SREK1IP1: variants seen among roughly 807,000 people sequenced by gnomAD.
SREK1IP1 encodes the protein protein SREK1IP1.
A neutral mutation model predicts 22.8 loss-of-function variants in SREK1IP1; 12 were observed. The ratio of observed to expected loss-of-function variants is 0.53; its 90% confidence interval spans 0.34 to 0.85. The LOEUF (loss-of-function observed/expected upper bound fraction) is 0.85. Among genes scored for constraint, SREK1IP1 ranks in the 40% least tolerant of loss-of-function variants. The pLI is 0.02. For missense variants in SREK1IP1, 147 were observed against 171.8 expected (o/e 0.86, Z 0.81); for synonymous variants, 53 against 52.7 (o/e 1.01, Z -0.02).
chr5:64,749,858 G>A (rs1283167379), intron 2 of SREK1IP1, among the ~76,000 whole-genome samples: 4 of 151,898 alleles, frequency 2.6e-5, no homozygotes, highest in Admixed American at 1.3e-4. Flanking sequence ...TGTCCTATGC[G>A]CTCACATAGT....
At position 64,722,717 on chromosome 5, in the gene SREK1IP1, G is replaced by A. The variant is rs1045701261; in HGVS notation, c.*1667C>T. 6.6e-6 allele frequency: 1 copy of A among 152,188 alleles called. No individual in the cohort carries two copies. Among genetic ancestry groups the A allele is most frequent in the South Asian group, 2.1e-4 (1 of 4,830 alleles). The allele number at this position is 152,188 out of a possible 1,614,324, so 9.4% of individuals were successfully genotyped here. A position where few individuals can be genotyped will look rare whatever the true frequency, so the allele number is the denominator to read the frequency against. The stretch of plus-strand genomic sequence containing the variant: ...TTTAAACAAAAGCATTTCCTTTTGA[G>A]AGGCCCAAATGACTAAATTAGGTTA... On this transcript the variant is annotated 3_prime_UTR_variant, in exon 5 of 5. Transcript: ENST00000513458.
chr5:64,742,264 TAA>T (rs921678756), intron 2 of SREK1IP1, among the ~76,000 whole-genome samples: 1 of 152,170 alleles, frequency 6.6e-6, no homozygotes, highest in African/African-American at 2.4e-5. Context: ...TTTGCTATTA[TAA>T]AAAGTGTTTA....
intron 2 of SREK1IP1, among the ~76,000 whole-genome samples, chr5:64,744,637 T>C (rs527900589): frequency 7.2e-5 from 11 of 152,342 alleles, no homozygotes; most frequent in Non-Finnish European, 1.6e-4. Flanking sequence ...AAATATGTGT[T>C]TTTTCCTTGT....
At chr5:64,754,599 G>T in intron 1 of SREK1IP1, 1 of 425,936 alleles carries the variant, frequency 2.3e-6, no homozygotes, top group East Asian at 4.0e-5. Flanking sequence ...AAGCAGCTGA[G>T]ACTACAGGCA....
intron 3 of SREK1IP1, among the ~76,000 whole-genome samples, chr5:64,739,997 T>A (rs1161837942): frequency 6.6e-6 from 1 of 152,174 alleles, no homozygotes; most frequent in Non-Finnish European, 1.5e-5. Context: ...AAGATTATAT[T>A]CAAATAAGTT....
At chr5:64,767,109 A>G (rs536241240) in intron 1 of SREK1IP1, among the ~76,000 whole-genome samples, 3 of 152,122 alleles carry the variant, frequency 2.0e-5, no homozygotes, top group Non-Finnish European at 4.4e-5. Context: ...CATAGAAAAC[A>G]TCTTTCATTT....
At chr5:64,767,514 A>G (rs1306846307) in intron 1 of SREK1IP1, among the ~76,000 whole-genome samples, 1 of 152,228 alleles carries the variant, frequency 6.6e-6, no homozygotes, top group Non-Finnish European at 1.5e-5. Context: ...CAGTTAGTAC[A>G]AAAGCACAGT....
chr5:64,730,433 C>G (rs143987219), intron 3 of SREK1IP1, among the ~76,000 whole-genome samples: 1 of 151,158 alleles, frequency 6.6e-6, no homozygotes, highest in African/African-American at 2.4e-5. Flanking sequence ...ATGGGAAAAA[C>G]GAAAAAAAAT....
At chr5:64,729,527 G>A (rs528895913) in intron 3 of SREK1IP1, among the ~76,000 whole-genome samples, 5 of 152,238 alleles carry the variant, frequency 3.3e-5, no homozygotes, top group African/African-American at 7.2e-5. Flanking sequence ...GGCCAGAGAG[G>A]TAAGCAGGAA....
chr5:64,732,782 C>G (rs2112090527), intron 3 of SREK1IP1, among the ~76,000 whole-genome samples: 1 of 151,804 alleles, frequency 6.6e-6, no homozygotes, highest in South Asian at 2.1e-4. Flanking sequence ...AATTAGTATC[C>G]CCATTCAAGA....
At chr5:64,747,818 C>T (rs981268269) in intron 2 of SREK1IP1, among the ~76,000 whole-genome samples, 1 of 151,994 alleles carries the variant, frequency 6.6e-6, no homozygotes, top group Non-Finnish European at 1.5e-5. Context: ...GTCCCAGCTA[C>T]TTGGGAGGCT....
At chr5:64,747,038 C>T (rs1742650486) in intron 2 of SREK1IP1, among the ~76,000 whole-genome samples, 1 of 152,114 alleles carries the variant, frequency 6.6e-6, no homozygotes, top group Non-Finnish European at 1.5e-5. Context: ...ATGCGTAGGG[C>T]AAAGAAGGGG....
intron 2 of SREK1IP1, among the ~76,000 whole-genome samples, chr5:64,748,325 G>C (rs1199695644): frequency 6.6e-6 from 1 of 152,158 alleles, no homozygotes; most frequent in Non-Finnish European, 1.5e-5. Context: ...ATAAGGGCTG[G>C]GGAAAGGAGG....
intron 1 of SREK1IP1, among the ~76,000 whole-genome samples, chr5:64,759,831 T>C (rs1485350982): frequency 2.0e-5 from 3 of 152,070 alleles, no homozygotes; most frequent in Non-Finnish European, 4.4e-5. Context: ...ATCGCAAAGA[T>C]TGAAAGGTTG....
In SREK1IP1 at chr5:64,720,903, ACTT is replaced by A. The variant is rs1742151708; in HGVS notation, c.*3478_*3480del. Reference sequence around the variant, plus strand: ...CGACTCCTTCCTCCTGTTCCTAAGAACTTAAAATGGTAGTCTCAATTCTTACCA... The same window carrying A: ...CGACTCCTTCCTCCTGTTCCTAAGAAAAAATGGTAGTCTCAATTCTTACCA... On this transcript the variant is annotated 3_prime_UTR_variant, in exon 5 of 5. Transcript: ENST00000513458. The A allele has an allele frequency of 6.6e-6, 1 of 152,212 alleles. No individual in the cohort carries two copies. Among genetic ancestry groups the A allele is most frequent in the South Asian group, 2.1e-4 (1 of 4,828 alleles). The allele number at this position is 152,212 out of a possible 1,614,324, so 9.4% of individuals were successfully genotyped here. A position where few individuals can be genotyped will look rare whatever the true frequency, so the allele number is the denominator to read the frequency against.
intron 2 of SREK1IP1, among the ~76,000 whole-genome samples, chr5:64,743,258 A>C (rs1210477406): frequency 2.0e-5 from 3 of 152,230 alleles, no homozygotes; most frequent in Non-Finnish European, 4.4e-5. Context: ...AATACTTACT[A>C]CTGTGTTACA....
At position 64,725,409 on chromosome 5, in the gene SREK1IP1, T is replaced by C. The variant is rs537466265; in HGVS notation, c.279-836A>G. 4.7e-4 allele frequency among the ~76,000 whole-genome samples: 71 copies of C among 152,330 alleles called. 1 individual carries two copies. The highest frequency in any genetic ancestry group is 1.7e-3 in the African/African-American group (69 of 41,586). ...ACAGAAACTGAGTTAATTTAAAATGTAAACAAAGGTATCTAAAGAGTTAGT... is the reference window on the plus strand; with the variant it reads ...ACAGAAACTGAGTTAATTTAAAATGCAAACAAAGGTATCTAAAGAGTTAGT... On this transcript the variant is annotated intron_variant, in intron 4 of 4. Coordinates refer to ENST00000513458, the MANE Select transcript of SREK1IP1 (RefSeq NM_173829.4).
In SREK1IP1 at chr5:64,725,879, T is replaced by C. The variant is rs528698205; in HGVS notation, c.279-1306A>G. ...TTTGTTTCTTTTTTTTTTTTTTTTT[T>C]CTGAGACAGAGTTTCACTCTTGTTG... is the stretch of plus-strand genomic sequence containing the variant. On this transcript the variant is annotated intron_variant, in intron 4 of 4. Transcript: ENST00000513458. Among the ~76,000 whole-genome samples the C allele has an allele frequency of 4.7e-4, 69 of 146,088 alleles. No individual in the cohort carries two copies. The South Asian group carries it at 0.013, about 28-fold the overall frequency.
chr5:64,727,826 G>T, intron 4 of SREK1IP1: 1 of 189,568 alleles, frequency 5.3e-6, no homozygotes, highest in Non-Finnish European at 1.0e-5. Context: ...GGGATTATAG[G>T]CATGAGCCAT....
Sources: allele counts gnomAD v4.1 joint callset (sites outside exome capture counted in the v4.1 genomes callset), GRCh38; gene constraint gnomAD v4.1.1; transcripts MANE v1.5; gene names NCBI Gene and HGNC (gene_info 2026-07-23, HGNC 2026-07-21).